FOXP1: variants seen among roughly 807,000 people sequenced by gnomAD.
FOXP1 encodes forkhead box P1, also known as forkhead box protein P1.
In FOXP1, 15 loss-of-function variants were observed where a neutral mutation model predicts 98.2. The ratio of observed to expected loss-of-function variants is 0.15; its 90% CI spans 0.10 to 0.24. The LOEUF is 0.24. FOXP1 is among the 10% of genes least tolerant of loss of function. The pLI, the probability that FOXP1 is intolerant of heterozygous loss-of-function variation, is 1.00. For synonymous variants in FOXP1, 371 were observed against 314.5 expected (o/e 1.18, Z -1.90); for missense variants, 633 against 848.5 (o/e 0.75, Z 3.15).
chr3:71,515,846 A>G (rs2042542470), intron 2 of FOXP1, among the ~76,000 whole-genome samples: 1 of 152,208 alleles, frequency 6.6e-6, no homozygotes, highest in Non-Finnish European at 1.5e-5. Context: ...AAAAGGAAAC[A>G]AAAAACGTCA....
intron 2 of FOXP1, among the ~76,000 whole-genome samples, chr3:71,539,665 A>G (rs1479095577): frequency 6.6e-6 from 1 of 152,138 alleles, no homozygotes; most frequent in Non-Finnish European, 1.5e-5. Flanking sequence ...AATATTTTGT[A>G]GTTTTCAGTG....
chr3:71,168,477 A>G (rs1416598605), intron 6 of FOXP1, among the ~76,000 whole-genome samples: 1 of 152,258 alleles, frequency 6.6e-6, no homozygotes, highest in Non-Finnish European at 1.5e-5. Context: ...ATATATGTGC[A>G]ATGGCCAAAT....
chr3:70,971,773 G>A, intron 18 of FOXP1: 1 of 372,976 alleles, frequency 2.7e-6, no homozygotes, highest in Non-Finnish European at 4.8e-6. Flanking sequence ...GTCCCCGTAA[G>A]CTGCTGAATC....
intron 3 of FOXP1, among the ~76,000 whole-genome samples, chr3:71,416,328 G>C (rs2083208595): frequency 6.6e-6 from 1 of 152,022 alleles, no homozygotes; most frequent in Non-Finnish European, 1.5e-5. Flanking sequence ...TTGAGGCCAG[G>C]AGTTCGAGAC....
At chr3:71,178,607 G>C (rs557635327) in intron 6 of FOXP1, among the ~76,000 whole-genome samples, 4 of 152,108 alleles carry the variant, frequency 2.6e-5, no homozygotes, top group African/African-American at 7.2e-5. Flanking sequence ...AAATTGGCCG[G>C]GTGCGGTGTC....
intron 5 of FOXP1, among the ~76,000 whole-genome samples, chr3:71,214,679 C>T (rs1284290623): frequency 6.6e-6 from 1 of 152,114 alleles, no homozygotes; most frequent in Non-Finnish European, 1.5e-5. Context: ...AACGAGCATG[C>T]TAAATACCTG....
chr3:71,045,875 G>A (rs1199543206), intron 10 of FOXP1, among the ~76,000 whole-genome samples: 1 of 152,184 alleles, frequency 6.6e-6, no homozygotes, highest in Non-Finnish European at 1.5e-5. Flanking sequence ...ACCTTCTTTA[G>A]AAGGCAACTG....
intron 3 of FOXP1, among the ~76,000 whole-genome samples, chr3:71,486,465 G>A (rs1390722594): frequency 4.6e-5 from 7 of 152,054 alleles, no homozygotes; most frequent in Non-Finnish European, 4.4e-5. Flanking sequence ...CTGCTGTTTC[G>A]GGGGCCTGCT....
intron 6 of FOXP1, among the ~76,000 whole-genome samples, chr3:71,158,889 G>A (rs184600316): frequency 1.8e-4 from 27 of 152,118 alleles, no homozygotes; most frequent in African/African-American, 6.5e-4. Context: ...GTCATCACTT[G>A]AGCCCAGGAG....
chr3:71,421,332 T>A (rs2083629595), intron 3 of FOXP1, among the ~76,000 whole-genome samples: 1 of 152,178 alleles, frequency 6.6e-6, no homozygotes, highest in African/African-American at 2.4e-5. Flanking sequence ...GGCGATGTCA[T>A]CCTCTACCCT....
At chr3:71,009,686 C>T (rs1211753117) in intron 12 of FOXP1, among the ~76,000 whole-genome samples, 9 of 152,184 alleles carry the variant, frequency 5.9e-5, no homozygotes, top group East Asian at 3.9e-4. Flanking sequence ...GAAGTTCTAA[C>T]GCTTTTAAAG....
chr3:71,211,673 C>G (rs994842478), intron 5 of FOXP1, among the ~76,000 whole-genome samples: 2 of 152,172 alleles, frequency 1.3e-5, no homozygotes, highest in African/African-American at 4.8e-5. Flanking sequence ...CTTGGGCTAA[C>G]TCAAGATTGG....
chr3:71,225,184 A>G (rs1420670677), intron 5 of FOXP1, among the ~76,000 whole-genome samples: 1 of 152,248 alleles, frequency 6.6e-6, no homozygotes, highest in African/African-American at 2.4e-5. Context: ...GATGCCTGTG[A>G]TTCTGTTGCC....
At chr3:71,339,528 T>A (rs191452371) in intron 4 of FOXP1, among the ~76,000 whole-genome samples, 33 of 152,344 alleles carry the variant, frequency 2.2e-4, no homozygotes, top group Admixed American at 2.0e-3. Flanking sequence ...TTAAATACCA[T>A]TCTTACTCTC....
Position 71,468,990 on chromosome 3 carries a change from A to G in FOXP1, c.-168+24436T>C, listed in dbSNP as rs141566382. Among the ~76,000 whole-genome samples the G allele has an allele frequency of 3.6e-3, 546 of 152,316 alleles. 4 individuals carry two copies. Among genetic ancestry groups the G allele is most frequent in the African/African-American group, 0.013 (523 of 41,568 alleles). On this transcript the variant is annotated intron_variant, in intron 3 of 20. Coordinates refer to ENST00000649528, the MANE Select transcript of FOXP1 (RefSeq NM_001349338.3). The stretch of plus-strand genomic sequence containing the variant: ...CCCAGGGATGTTTGAGGCCTGTCGA[A>G]TACTTCCAACTCAGAGCAATTCCAC...
chr3:71,500,345 T>C (rs979673744), intron 2 of FOXP1, among the ~76,000 whole-genome samples: 2 of 152,252 alleles, frequency 1.3e-5, no homozygotes, highest in South Asian at 2.1e-4. Flanking sequence ...GAATATTCCA[T>C]GTGAAACTCG....
At chr3:70,966,849 G>A (rs748104816) in intron 19 of FOXP1, among the ~76,000 whole-genome samples, 6 of 152,174 alleles carry the variant, frequency 3.9e-5, no homozygotes, top group Non-Finnish European at 7.3e-5. Context: ...CTTTATTTAG[G>A]ATAGGTAGGA....
intron 2 of FOXP1, among the ~76,000 whole-genome samples, chr3:71,567,286 T>C (rs934453266): frequency 3.3e-5 from 5 of 152,070 alleles, no homozygotes; most frequent in African/African-American, 1.2e-4. Flanking sequence ...CCAACACTGT[T>C]AGGGGCTTTG....
At chr3:71,117,675 G>A (rs1450491607) in intron 6 of FOXP1, among the ~76,000 whole-genome samples, 1 of 152,154 alleles carries the variant, frequency 6.6e-6, no homozygotes, top group Non-Finnish European at 1.5e-5. Context: ...TCTGACTCAA[G>A]TTCCAGATCA....
Sources: gnomAD v4.1 joint callset for allele counts (sites outside exome capture counted in the v4.1 genomes callset) on GRCh38, gnomAD v4.1.1 for gene constraint, MANE v1.5 for transcripts, NCBI Gene and HGNC (gene_info 2026-07-23, HGNC 2026-07-21) for gene names.